Variants in CTNNA3 observed in about 807,000 individuals in gnomAD.
The protein encoded by CTNNA3 is catenin alpha 3.
A neutral mutation model predicts 95.7 loss-of-function variants in CTNNA3; 76 were observed. The observed-to-expected ratio is 0.79, with a 90% CI of 0.66 to 0.96. The LOEUF is 0.96. Among genes scored for constraint, CTNNA3 ranks in the 40% least tolerant of loss-of-function variants. CTNNA3 has a pLI of 0.00. For synonymous variants in CTNNA3, 431 were observed against 374.4 expected (o/e 1.15, Z -1.74); for missense variants, 1,191 against 1,089.8 (o/e 1.09, Z -1.31).
chr10:65,958,191 G>A lies in CTNNA3; in HGVS notation c.2400+8421C>T, dbSNP rs148296183. Among the ~76,000 whole-genome samples the A allele has an allele frequency of 6.6e-4, 101 of 152,222 alleles. 2 individuals carry two copies. Among genetic ancestry groups the A allele is most frequent in the African/African-American group, 2.4e-3 (98 of 41,530 alleles). ...TTGATTGAACCAGCTGCTGAAGCTT[G>A]TGCATGTGCCATGTAGTTCTCGTGC... On this transcript the variant is annotated intron_variant, in intron 17 of 17. Transcript: ENST00000433211.
intron 10 of CTNNA3, among the ~76,000 whole-genome samples, chr10:66,574,194 G>T (rs1842942872): frequency 6.6e-6 from 1 of 151,838 alleles, no homozygotes; most frequent in Non-Finnish European, 1.5e-5. Flanking sequence ...GTCATAATAG[G>T]GTGATAATCT....
intron 2 of CTNNA3, among the ~76,000 whole-genome samples, chr10:67,610,476 G>A (rs545819697): frequency 6.6e-6 from 1 of 152,248 alleles, no homozygotes; most frequent in Non-Finnish European, 1.5e-5. Flanking sequence ...ATTTCAGAAA[G>A]TAAATATGGC....
chr10:67,751,017 G>T (rs1292894997), intron 1 of CTNNA3: 28 of 1,558,320 alleles, frequency 1.8e-5, no homozygotes, highest in Non-Finnish European at 2.4e-5. Flanking sequence ...AAAAACCACA[G>T]CCCAGGTTCT....
chr10:66,052,505 TCA>T (rs2079979811), intron 15 of CTNNA3, among the ~76,000 whole-genome samples: 2 of 152,298 alleles, frequency 1.3e-5, no homozygotes, highest in South Asian at 4.1e-4. Context: ...AAGTTCTCTC[TCA>T]GTGTGTGCAT....
At chr10:65,994,486 T>G (rs888845356) in intron 15 of CTNNA3, among the ~76,000 whole-genome samples, 1 of 152,060 alleles carries the variant, frequency 6.6e-6, no homozygotes, top group Non-Finnish European at 1.5e-5. Context: ...CATTCTCTCC[T>G]GATCTGTAAT....
intron 1 of CTNNA3, among the ~76,000 whole-genome samples, chr10:67,709,391 T>C (rs1279213407): frequency 3.3e-5 from 5 of 152,242 alleles, no homozygotes; most frequent in African/African-American, 1.2e-4. Flanking sequence ...ACTGGGAAAT[T>C]AGAAAGTTGC....
At chr10:67,021,670 G>GA (rs1446415389) in intron 7 of CTNNA3, among the ~76,000 whole-genome samples, 1 of 151,800 alleles carries the variant, frequency 6.6e-6, no homozygotes, top group Non-Finnish European at 1.5e-5. Flanking sequence ...TATATATTCC[G>GA]AAAAAAATGG....
At chr10:67,372,371 T>G (rs911292562) in intron 5 of CTNNA3, among the ~76,000 whole-genome samples, 1 of 152,198 alleles carries the variant, frequency 6.6e-6, no homozygotes, top group Non-Finnish European at 1.5e-5. Context: ...GTCTAACATT[T>G]AAGTCTTTAA....
At chr10:65,980,652 C>G (rs1167903327) in intron 16 of CTNNA3, among the ~76,000 whole-genome samples, 5 of 151,790 alleles carry the variant, frequency 3.3e-5, no homozygotes, top group Admixed American at 2.0e-4. Context: ...CTGCCATAAT[C>G]ACGTGGGGTT....
At chr10:66,099,711 T>G (rs2081541094) in intron 14 of CTNNA3, among the ~76,000 whole-genome samples, 1 of 152,172 alleles carries the variant, frequency 6.6e-6, no homozygotes. Context: ...TCTTCAAAAT[T>G]TAAAGGAAAA....
chr10:66,427,020 T>C (rs553343766), intron 11 of CTNNA3, among the ~76,000 whole-genome samples: 1 of 152,210 alleles, frequency 6.6e-6, no homozygotes, highest in Non-Finnish European at 1.5e-5. Context: ...ATTAATTTCT[T>C]TAAATTTTAG....
At chr10:65,956,985 G>C (rs1438108503) in intron 17 of CTNNA3, among the ~76,000 whole-genome samples, 2 of 152,076 alleles carry the variant, frequency 1.3e-5, no homozygotes. Context: ...GTTGACAGTG[G>C]GGTGTTAAAA....
At position 67,480,174 on chromosome 10, in the gene CTNNA3, T is replaced by C. The variant is rs533863192; in HGVS notation, c.579+41668A>G. 2.0e-5 allele frequency among the ~76,000 whole-genome samples: 3 copies of C among 152,008 alleles called. No individual in the cohort carries two copies. In the East Asian group the frequency reaches 5.8e-4, roughly 29 times the overall value. Reference sequence around the variant, plus strand: ...CACCAGATGTACAAAGAAGAGTTTATAGCAATCCTACTGAAACTATTCTAA... The same window carrying C: ...CACCAGATGTACAAAGAAGAGTTTACAGCAATCCTACTGAAACTATTCTAA... On this transcript the variant is annotated intron_variant, in intron 5 of 17. Coordinates refer to ENST00000433211, the MANE Select transcript of CTNNA3 (RefSeq NM_013266.4).
At chr10:67,703,462 T>A (rs966051050) in intron 1 of CTNNA3, among the ~76,000 whole-genome samples, 4 of 152,170 alleles carry the variant, frequency 2.6e-5, no homozygotes, top group Non-Finnish European at 5.9e-5. Context: ...GATGCAAGGC[T>A]GGTTCAATAT....
At chr10:67,448,812 T>A (rs1020563118) in intron 5 of CTNNA3, among the ~76,000 whole-genome samples, 1 of 149,006 alleles carries the variant, frequency 6.7e-6, no homozygotes, top group Non-Finnish European at 1.5e-5. Context: ...CTATTTATTA[T>A]AGATATATAA....
At chr10:66,613,128 T>C (rs7920795) in intron 10 of CTNNA3, among the ~76,000 whole-genome samples, 5,018 of 152,172 alleles carry the variant, frequency 0.033, 282 homozygotes, top group African/African-American at 0.12. Context: ...CATTCTGAGA[T>C]TCTTGCCTTG....
intron 7 of CTNNA3, among the ~76,000 whole-genome samples, chr10:66,817,039 G>A (rs1468067376): frequency 6.6e-6 from 1 of 151,974 alleles, no homozygotes; most frequent in Non-Finnish European, 1.5e-5. Context: ...TAAAGGGACA[G>A]CCATAACTGT....
intron 5 of CTNNA3, among the ~76,000 whole-genome samples, chr10:67,316,052 T>C (rs936733415): frequency 6.6e-6 from 1 of 152,204 alleles, no homozygotes; most frequent in African/African-American, 2.4e-5. Context: ...ATAATGGGAT[T>C]TGTAAATCGG....
rs192517445 is a variant in CTNNA3, at chr10:67,741,354, A to G, written c.-2+22080T>C. Among the ~76,000 whole-genome samples, 195 of 150,070 alleles carry G rather than the reference A, an allele frequency of 1.3e-3. 3 individuals carry two copies. The highest frequency in any genetic ancestry group is 4.6e-3 in the African/African-American group (188 of 41,284). On this transcript the variant is annotated intron_variant, in intron 1 of 17. Transcript: ENST00000684154. The stretch of plus-strand genomic sequence containing the variant: ...AAAAAATAAAAAAAGAACAAAAAAA[A>G]AAAAAGAAAAGAAAAGAATTTTCAA...
Sources: allele counts gnomAD v4.1 joint callset (sites outside exome capture counted in the v4.1 genomes callset), GRCh38; gene constraint gnomAD v4.1.1; transcripts MANE v1.5; gene names NCBI Gene and HGNC (gene_info 2026-07-23, HGNC 2026-07-21).